The following TKT variants were observed in gnomAD, a reference collection of about 807,000 sequenced individuals.
TKT encodes transketolase.
A neutral mutation model predicts 63.9 loss-of-function variants in TKT; 47 were observed. The ratio of observed to expected loss-of-function variants is 0.74; its 90% CI spans 0.58 to 0.94. The LOEUF (loss-of-function observed/expected upper bound fraction) is 0.94, where lower values mean the gene tolerates loss of function less well. TKT is among the 40% of genes least tolerant of loss of function. TKT has a pLI of 0.00. For missense variants in TKT, 721 were observed against 846.2 expected (o/e 0.85, Z 1.84); for synonymous variants, 338 against 334.1 (o/e 1.01, Z -0.13).
rs1553676751 is a variant in TKT at position 53,230,495 on chromosome 3, C to G, written c.1069G>C (p.Asp357His). Residue 357 changes from aspartate to histidine, a missense_variant, in exon 8 of 14, where the codon GAC (aspartate) becomes CAC (histidine). Coordinates refer to ENST00000462138, the MANE Select transcript of TKT (RefSeq NM_001064.4). ...FSEIFKKEHP[D>H]RFIECYIAEQ... is the part of the protein sequence containing the mutation. ...GCAATGTAGCACTCGATGAAGCGGT[C>G]CGGGTGCTCCTTTTTGAAGATCTCC... 2.5e-6 allele frequency: 4 copies of G among 1,614,228 alleles called. No homozygotes were observed. The South Asian group carries it at 3.3e-5, about 13-fold the overall frequency.
In TKT at chr3:53,256,013, G is replaced by T. The variant is rs1296011842; in HGVS notation, c.-71C>A. 2.7e-6 allele frequency: 3 copies of T among 1,099,214 alleles called. No individual in the cohort carries two copies. Among genetic ancestry groups the T allele is most frequent in the East Asian group, 3.3e-5 (1 of 30,574 alleles). The allele number at this position is 1,099,214 out of a possible 1,614,324, so 68.1% of individuals were successfully genotyped here. On this transcript the variant is annotated 5_prime_UTR_variant, in exon 1 of 14. Coordinates refer to ENST00000462138, the MANE Select transcript of TKT (RefSeq NM_001064.4). ...AGCGGCTGCTCCCGCGGCGACAGGC[G>T]GCTGCCGAGGCCGGGCGCGGGGCGG...
chr3:53,242,003 G>C (rs375321849), intron 2 of TKT, 122 bp downstream of exon 2: 19 of 883,744 alleles, frequency 2.1e-5, no homozygotes, highest in Middle Eastern at 6.2e-4. Context: ...GACGAGCAGG[G>C]AGAAGGCACC....
intron 1 of TKT, among the ~76,000 whole-genome samples, 156 bp downstream of exon 1, chr3:53,255,680 C>T (rs1214754431): frequency 6.6e-6 from 1 of 151,896 alleles, no homozygotes; most frequent in Non-Finnish European, 1.5e-5. Context: ...AGCCCGGGGC[C>T]CTGCGAGGCG....
At chr3:53,254,275 C>G (rs1433671934) in intron 1 of TKT, among the ~76,000 whole-genome samples, 1 of 152,212 alleles carries the variant, frequency 6.6e-6, no homozygotes, top group East Asian at 1.9e-4. Flanking sequence ...GCCTGCAGAG[C>G]TACCGTGTGC....
intron 1 of TKT, among the ~76,000 whole-genome samples, chr3:53,244,111 G>A (rs1361592306): frequency 6.6e-6 from 1 of 152,244 alleles, no homozygotes; most frequent in Non-Finnish European, 1.5e-5. Flanking sequence ...AGGGTGAGAA[G>A]TAGAACGTGC....
rs782341668 is a variant in TKT, at chr3:53,228,072, G to A, written c.1557C>T (p.Ala519=). 6.8e-6 allele frequency: 11 copies of A among 1,612,816 alleles called. No homozygotes were observed. The highest frequency in any genetic ancestry group is 2.0e-4 in the Middle Eastern group (1 of 4,964). The change falls in exon 12 of 14, where the codon GCC becomes GCT. Residue 519 remains alanine, a synonymous_variant. Transcript: ENST00000462138. ...TCTCCTCACCTTTCTTCAGCAGTTC[G>A]GCAGCGGCCAAGGCCTCGTGCAGGG... The part of the protein sequence containing the change: ...GVTLHEALAA[A]ELLKKEKINI...
chr3:53,237,271 C>A (rs1705072682), intron 4 of TKT, among the ~76,000 whole-genome samples: 1 of 151,936 alleles, frequency 6.6e-6, no homozygotes, highest in East Asian at 1.9e-4. Context: ...GTCTGTAATC[C>A]CAGCTACTCG....
Position 53,225,823 on chromosome 3 carries a change from A to G in TKT, c.1805T>C (p.Leu602Pro). 4 of 1,614,066 alleles carry G rather than the reference A, an allele frequency of 2.5e-6. No homozygotes were observed. The highest frequency in any genetic ancestry group is 3.4e-6 in the Non-Finnish European group (4 of 1,180,006). Residue 602 changes from leucine to proline, a missense_variant, in exon 14 of 14, where the codon CTG becomes CCG. Leu to Pro is a moderately conservative substitution (Grantham distance 98, BLOSUM62 -3). Transcript: ENST00000462138. Reference sequence around the variant, plus strand: ...ATCCCTGTCGATACCAAACATCTTCAGCAGCTCAGCCGGCTTCCCACTTCT... The same window carrying G: ...ATCCCTGTCGATACCAAACATCTTCGGCAGCTCAGCCGGCTTCCCACTTCT... ...VPRSGKPAEL[L>P]KMFGIDRDAI...
At chr3:53,227,001 C>T in intron 12 of TKT, 123 bp from the exon 13 acceptor site, 1 of 1,299,892 alleles carries the variant, frequency 7.7e-7, no homozygotes, top group Non-Finnish European at 1.0e-6. Context: ...GCGGGCCTGT[C>T]CCTGTCCCAG....
chr3:53,231,667 C>CATCCCAGACAGGCAG, intron 6 of TKT, 117 bp from the exon 7 acceptor site: 2 of 1,128,154 alleles, frequency 1.8e-6, no homozygotes, highest in Non-Finnish European at 2.5e-6. Flanking sequence ...GGAATGGCAT[C>CATCCCAGACAGGCAG]ATCCCAGACA....
Position 53,228,264 on chromosome 3 carries a change from C to G in TKT, c.1479+12G>C. ...CAGCTCTGTGGGCTCCTGGGGCATG[C>G]GAGGCACTGACCTTGGCTTGTCCGA... On this transcript the variant is annotated intron_variant, in intron 11 of 13. Coordinates refer to ENST00000462138, the MANE Select transcript of TKT (RefSeq NM_001064.4). 2 of 1,614,084 alleles carry G rather than the reference C, an allele frequency of 1.2e-6. No individual in the cohort carries two copies. Among genetic ancestry groups the G allele is most frequent in the East Asian group, 2.2e-5 (1 of 44,880 alleles).
rs1246465889 is a variant in TKT, at chr3:53,224,733, TC to T, written c.*1022del. The stretch of plus-strand genomic sequence containing the variant: ...GACCTTGGCTTTGACAGGTTTATTC[TC>T]TCCAGACGGTCAGGAGGACAGGTGG... On this transcript the variant is annotated 3_prime_UTR_variant, in exon 14 of 14. Coordinates refer to ENST00000462138, the MANE Select transcript of TKT (RefSeq NM_001064.4). 6.6e-6 allele frequency: 1 copy of T among 152,370 alleles called. No individual in the cohort carries two copies. Among genetic ancestry groups the T allele is most frequent in the East Asian group, 1.9e-4 (1 of 5,184 alleles). 9.4% of individuals were successfully genotyped at this position (152,370 alleles called of 1,614,324 possible). A position where few individuals can be genotyped will look rare whatever the true frequency, so the allele number is the denominator to read the frequency against.
intron 2 of TKT, 114 bp from the exon 3 acceptor site, chr3:53,241,359 A>AT: frequency 1.2e-6 from 1 of 828,244 alleles, no homozygotes; most frequent in Non-Finnish European, 1.8e-6. Flanking sequence ...TGCAGCATCC[A>AT]TTTCAGGGGA....
At position 53,242,152 on chromosome 3, in the gene TKT, C is replaced by T. The variant is rs1553680034; in HGVS notation, c.198G>A (p.Pro66=). The T allele has an allele frequency of 4.3e-6, 7 of 1,614,022 alleles. No homozygotes were observed. Among genetic ancestry groups the T allele is most frequent in the Admixed American group, 1.7e-5 (1 of 60,016 alleles). The part of the protein sequence containing the change: ...MRYKSQDPRN[P]HNDRFVLSKG... ...TGGAGAGCACAAAGCGGTCATTGTG[C>T]GGATTCCGGGGGTCCTGGGACTTGT... Residue 66 remains proline (P), a synonymous_variant, in exon 2 of 14, where the codon CCG becomes CCA. Coordinates refer to ENST00000462138, the MANE Select transcript of TKT (RefSeq NM_001064.4).
At chr3:53,235,301 T>C (rs2035450) in intron 4 of TKT, 127 bp from the exon 5 acceptor site, 508,626 of 827,830 alleles carry the variant, frequency 0.61, 158,855 homozygotes, top group South Asian at 0.83. Flanking sequence ...GCAGAACAGA[T>C]GGCATTTACA....
At chr3:53,244,214 C>T (rs1382068211) in intron 1 of TKT, among the ~76,000 whole-genome samples, 2 of 152,236 alleles carry the variant, frequency 1.3e-5, no homozygotes, top group Non-Finnish European at 2.9e-5. Flanking sequence ...TTCACTTCTA[C>T]CAAGTAAACA....
chr3:53,232,699 T>G, intron 6 of TKT: 1 of 398,622 alleles, frequency 2.5e-6, no homozygotes, highest in Non-Finnish European at 4.4e-6. Flanking sequence ...ACACAGGCCT[T>G]GCTCAGCATC....
chr3:53,233,121 G>A (rs782725035), intron 6 of TKT, 35 bp downstream of exon 6: 19 of 1,579,824 alleles, frequency 1.2e-5, no homozygotes, highest in African/African-American at 2.7e-5. Context: ...CTGGGCGAGG[G>A]GTGAAGGTGG....
At chr3:53,227,025 C>T in intron 12 of TKT, 147 bp from the exon 13 acceptor site, 1 of 949,292 alleles carries the variant, frequency 1.1e-6, no homozygotes, top group Non-Finnish European at 1.5e-6. Context: ...GAACCACTTG[C>T]CACCTCGTTC....
Sources: allele counts gnomAD v4.1 joint callset (sites outside exome capture counted in the v4.1 genomes callset), GRCh38; gene constraint gnomAD v4.1.1; transcripts MANE v1.5; gene names NCBI Gene and HGNC (gene_info 2026-07-23, HGNC 2026-07-21).